HMCN1: variants seen among roughly 807,000 people sequenced by gnomAD.
HMCN1 encodes hemicentin-1.
In HMCN1, 321 loss-of-function variants were observed where a neutral mutation model predicts 625.9. The observed-to-expected ratio is 0.51, with a 90% CI of 0.47 to 0.56. The LOEUF (loss-of-function observed/expected upper bound fraction) is 0.56, where lower values mean the gene tolerates loss of function less well. Among genes scored for constraint, HMCN1 ranks in the 20% least tolerant of loss-of-function variants. The pLI is 0.00. For synonymous variants in HMCN1, 2,425 were observed against 2,417.6 expected, an observed-to-expected ratio of 1.00 and a Z score of -0.09; for missense variants, 6,588 against 6,887.3, an observed-to-expected ratio of 0.96 and a Z score of 1.54.
intron 1 of HMCN1, among the ~76,000 whole-genome samples, chr1:185,805,834 C>T (rs1659137739): frequency 6.6e-6 from 1 of 152,118 alleles, no homozygotes; most frequent in African/African-American, 2.4e-5. Flanking sequence ...TTGGTAGAGT[C>T]AATACTTGAG....
chr1:186,072,982 A>G (rs1658567878), intron 52 of HMCN1, among the ~76,000 whole-genome samples: 1 of 152,182 alleles, frequency 6.6e-6, no homozygotes, highest in African/African-American at 2.4e-5. Flanking sequence ...AGTTATTGCA[A>G]TGGTTATGGC....
At chr1:186,182,138 G>A in intron 104 of HMCN1, 30 bp from the exon 105 acceptor site, 8 of 1,611,920 alleles carry the variant, frequency 5.0e-6, no homozygotes, top group Non-Finnish European at 6.8e-6. Flanking sequence ...TTCTTGTGTA[G>A]TGATAACTCT....
intron 1 of HMCN1, among the ~76,000 whole-genome samples, chr1:185,742,312 G>T (rs543050576): frequency 3.9e-5 from 6 of 152,098 alleles, no homozygotes; most frequent in South Asian, 2.1e-4. Context: ...AAATATTGAC[G>T]TTATATATCT....
chr1:186,045,926 C>A, intron 41 of HMCN1, 63 bp downstream of exon 41: 1 of 1,210,958 alleles, frequency 8.3e-7, no homozygotes, highest in Non-Finnish European at 1.2e-6. Flanking sequence ...TTGGTATTAC[C>A]CTATTTAGCG....
chr1:185,818,033 C>T (rs1161209262), intron 1 of HMCN1, among the ~76,000 whole-genome samples: 2 of 152,150 alleles, frequency 1.3e-5, no homozygotes, highest in African/African-American at 4.8e-5. Context: ...TTCTTCAAAA[C>T]TTATATTATT....
At chr1:185,912,461 G>C (rs1666476661) in intron 6 of HMCN1, among the ~76,000 whole-genome samples, 1 of 152,090 alleles carries the variant, frequency 6.6e-6, no homozygotes, top group South Asian at 2.1e-4. Flanking sequence ...TGGCAGTACG[G>C]AGGAAAAAAT....
chr1:186,098,080 A>G (rs1041732443), intron 68 of HMCN1, among the ~76,000 whole-genome samples: 1 of 152,158 alleles, frequency 6.6e-6, no homozygotes, highest in Non-Finnish European at 1.5e-5. Flanking sequence ...TAAATGTAAG[A>G]TCCCAAACTA....
At chr1:186,184,615 T>G (rs1385513689) in intron 105 of HMCN1, among the ~76,000 whole-genome samples, 1 of 152,222 alleles carries the variant, frequency 6.6e-6, no homozygotes, top group African/African-American at 2.4e-5. Flanking sequence ...AGTGCTCTTA[T>G]TCATCCGTGT....
At chr1:186,104,108 C>T (rs1018575082) in intron 69 of HMCN1, among the ~76,000 whole-genome samples, 1 of 151,976 alleles carries the variant, frequency 6.6e-6, no homozygotes, top group Non-Finnish European at 1.5e-5. Context: ...ATAAAATTGA[C>T]TTGGTTTAGT....
chr1:185,995,121 G>A, intron 24 of HMCN1, 34 bp downstream of exon 24: 1 of 1,602,220 alleles, frequency 6.2e-7, no homozygotes, highest in Non-Finnish European at 8.6e-7. Flanking sequence ...TATGTATGTA[G>A]GGTGGGGAGT....
At chr1:185,826,330 GA>G (rs1198187366) in intron 1 of HMCN1, among the ~76,000 whole-genome samples, 1 of 152,132 alleles carries the variant, frequency 6.6e-6, no homozygotes, top group Non-Finnish European at 1.5e-5. Flanking sequence ...CAAGGTAAAT[GA>G]AAAACAGAAA....
At chr1:186,016,722 G>C (rs1654393136) in intron 32 of HMCN1, among the ~76,000 whole-genome samples, 1 of 151,826 alleles carries the variant, frequency 6.6e-6, no homozygotes, top group African/African-American at 2.4e-5. Context: ...ATATTCACCT[G>C]GCATCAGTGG....
intron 29 of HMCN1, among the ~76,000 whole-genome samples, chr1:186,004,700 C>G (rs559493940): frequency 6.6e-6 from 1 of 152,002 alleles, no homozygotes; most frequent in Non-Finnish European, 1.5e-5. Context: ...TAAATTAGTA[C>G]CTTAAAAGGC....
chr1:186,083,130 A>T (rs1659270492), intron 57 of HMCN1, among the ~76,000 whole-genome samples, 169 bp downstream of exon 57: 1 of 152,166 alleles, frequency 6.6e-6, no homozygotes, highest in South Asian at 2.1e-4. Flanking sequence ...AGTAGGATTT[A>T]TAAAGCATAA....
chr1:185,829,962 C>T (rs182101313), intron 1 of HMCN1, among the ~76,000 whole-genome samples: 1 of 152,092 alleles, frequency 6.6e-6, no homozygotes, highest in East Asian at 1.9e-4. Context: ...GATGGTATCT[C>T]ATTGTGGTTT....
At chr1:186,095,944 C>G (rs1415229536) in intron 68 of HMCN1, among the ~76,000 whole-genome samples, 2 of 152,088 alleles carry the variant, frequency 1.3e-5, no homozygotes, top group African/African-American at 2.4e-5. Flanking sequence ...TAGTCTAGTT[C>G]TATTTATTCT....
Position 185,977,927 on chromosome 1 carries a change from C to T in HMCN1, c.2512C>T (p.Pro838Ser). The T allele has an allele frequency of 6.2e-7, 1 of 1,613,364 alleles. No homozygotes were observed. The highest frequency in any genetic ancestry group is 8.5e-7 in the Non-Finnish European group (1 of 1,179,578). ...RLDNMPIFSR[P>S]FSVSSISQLR... ...AGACAACATGCCAATTTTCTCAAGACCTTTTTCAGTTAGTTCCATCAGCCA... is the reference window on the plus strand; with the variant it reads ...AGACAACATGCCAATTTTCTCAAGATCTTTTTCAGTTAGTTCCATCAGCCA... Residue 838 changes from proline to serine, a missense_variant, in exon 16 of 107, where the codon CCT becomes TCT. Pro to Ser is a moderately conservative substitution (Grantham distance 74). This residue lies in a region of HMCN1 where 4,628 missense variants were observed against 4,853.1 expected (regional missense o/e 0.95). Coordinates refer to ENST00000271588, the MANE Select transcript of HMCN1 (RefSeq NM_031935.3).
At position 185,762,562 on chromosome 1, in the gene HMCN1, G is replaced by A. The variant is rs115837302; in HGVS notation, c.268+27515G>A. ...CAGAAGTAGTCATGCCATCAGTCTAGTAATAGACTAATCAGAGGAGAAAGA... is the reference window on the plus strand; with the variant it reads ...CAGAAGTAGTCATGCCATCAGTCTAATAATAGACTAATCAGAGGAGAAAGA... On this transcript the variant is annotated intron_variant, in intron 1 of 106. Coordinates refer to ENST00000271588, the MANE Select transcript of HMCN1 (RefSeq NM_031935.3). Among the ~76,000 whole-genome samples the A allele has an allele frequency of 5.5e-3, 830 of 152,270 alleles. 9 individuals carry two copies. Among genetic ancestry groups the A allele is most frequent in the African/African-American group, 0.019 (783 of 41,554 alleles).
In HMCN1 at chr1:185,840,541, G is replaced by A. The variant is rs551925782; in HGVS notation, c.269-5485G>A. 9.9e-5 allele frequency among the ~76,000 whole-genome samples: 15 copies of A among 152,078 alleles called. No individual in the cohort carries two copies. The South Asian group carries it at 3.1e-3, about 32-fold the overall frequency. Reference sequence around the variant, plus strand: ...GCTTCATATCCCAACTCATACCCTGGATGCCTTCATGGTGCATTTTCTTAC... The same window carrying A: ...GCTTCATATCCCAACTCATACCCTGAATGCCTTCATGGTGCATTTTCTTAC... On this transcript the variant is annotated intron_variant, in intron 1 of 106. Transcript: ENST00000271588.
Sources: gnomAD v4.1 joint callset for allele counts (sites outside exome capture counted in the v4.1 genomes callset) on GRCh38, gnomAD v4.1.1 for gene constraint, gnomAD v4.1.1 regional missense constraint, MANE v1.5 for transcripts, NCBI Gene and HGNC (gene_info 2026-07-23, HGNC 2026-07-21) for gene names.